The following JAZF1 variants were observed in gnomAD, a reference collection of about 807,000 sequenced individuals.
JAZF1 encodes the protein juxtaposed with another zinc finger protein 1.
Under a neutral mutation model 26.4 loss-of-function variants are expected in JAZF1, and 8 were observed. The ratio of observed to expected loss-of-function variants is 0.30; its 90% CI spans 0.18 to 0.55. JAZF1 has a LOEUF of 0.55. JAZF1 is among the 20% of genes least tolerant of loss of function. The pLI, the probability that JAZF1 is intolerant of heterozygous loss-of-function variation, is 0.94. For missense variants in JAZF1, 199 were observed against 322.0 expected, an observed-to-expected ratio of 0.62 and a Z score of 2.92; for synonymous variants, 126 against 122.3, an observed-to-expected ratio of 1.03 and a Z score of -0.20.
chr7:27,907,472 G>A (rs1286641129), intron 2 of JAZF1, among the ~76,000 whole-genome samples: 2 of 152,212 alleles, frequency 1.3e-5, no homozygotes, highest in African/African-American at 4.8e-5. Flanking sequence ...GCAGTCCACA[G>A]TTGGGCTAAG....
In JAZF1 at chr7:27,901,336, C is replaced by G. The variant is rs1784157407; in HGVS notation, c.189-5920G>C. On this transcript the variant is annotated intron_variant, in intron 2 of 4. Transcript: ENST00000283928. Reference sequence around the variant, plus strand: ...GACTCCATTATAAATCTTTTAAATCCTCAGACCACAATGTTCATTCAGTCT... The same window carrying G: ...GACTCCATTATAAATCTTTTAAATCGTCAGACCACAATGTTCATTCAGTCT... Among the ~76,000 whole-genome samples the G allele has an allele frequency of 2.0e-5, 3 of 152,148 alleles. No individual in the cohort carries two copies. The South Asian group carries it at 6.2e-4, about 32-fold the overall frequency.
At chr7:28,013,721 G>A (rs1159021465) in intron 1 of JAZF1, among the ~76,000 whole-genome samples, 1 of 152,070 alleles carries the variant, frequency 6.6e-6, no homozygotes, top group Non-Finnish European at 1.5e-5. Context: ...TCACAAGGAG[G>A]GGTCCACAGG....
intron 2 of JAZF1, among the ~76,000 whole-genome samples, chr7:27,933,125 T>C (rs1269843351): frequency 6.6e-6 from 1 of 152,214 alleles, no homozygotes; most frequent in Admixed American, 6.5e-5. Flanking sequence ...TAGATGTCCC[T>C]GGTAAAAGCA....
At chr7:27,904,632 G>T (rs986144091) in intron 2 of JAZF1, among the ~76,000 whole-genome samples, 2 of 149,350 alleles carry the variant, frequency 1.3e-5, no homozygotes, top group African/African-American at 4.9e-5. Flanking sequence ...CCCACGGGGT[G>T]GATTTTGAAG....
At chr7:28,082,621 G>T (rs1306139410) in intron 1 of JAZF1, among the ~76,000 whole-genome samples, 1 of 152,052 alleles carries the variant, frequency 6.6e-6, no homozygotes, top group Non-Finnish European at 1.5e-5. Flanking sequence ...CCCTTGCCCT[G>T]GTCTCCCTCC....
rs542038941 is a variant in JAZF1 at position 27,974,094 on chromosome 7, A to G, written c.188+17815T>C. Among the ~76,000 whole-genome samples, 48 of 152,264 alleles carry G rather than the reference A, an allele frequency of 3.2e-4. No homozygotes were observed. In the Middle Eastern group the frequency reaches 0.021, roughly 65 times the overall value. On this transcript the variant is annotated intron_variant, in intron 2 of 4. Transcript: ENST00000283928. The stretch of plus-strand genomic sequence containing the variant: ...GTAGGTGCCATTAAACATAGTATGA[A>G]TCAAAAAAAGAGGAGGCACTCTGGA...
At chr7:27,994,925 G>A (rs1339122709) in intron 1 of JAZF1, among the ~76,000 whole-genome samples, 5 of 152,126 alleles carry the variant, frequency 3.3e-5, no homozygotes, top group Non-Finnish European at 7.3e-5. Flanking sequence ...ACTCTCCACA[G>A]GATAGGAGGA....
Position 27,998,197 on chromosome 7 carries a change from G to A in JAZF1, c.116-6216C>T, listed in dbSNP as rs565404982. 5.9e-5 allele frequency among the ~76,000 whole-genome samples: 9 copies of A among 152,146 alleles called. No individual in the cohort carries two copies. In the East Asian group the frequency reaches 9.7e-4, roughly 16 times the overall value. On this transcript the variant is annotated intron_variant, in intron 1 of 4. Coordinates refer to ENST00000283928, the MANE Select transcript of JAZF1 (RefSeq NM_175061.4). ...GCAGGGCTAGGACCAGAAGCCCTGCGTCCTGAGTCTTATTGGGCCAGCATT... is the reference window on the plus strand; with the variant it reads ...GCAGGGCTAGGACCAGAAGCCCTGCATCCTGAGTCTTATTGGGCCAGCATT...
intron 2 of JAZF1, among the ~76,000 whole-genome samples, chr7:27,909,439 G>C (rs1465147979): frequency 6.6e-6 from 1 of 152,012 alleles, no homozygotes; most frequent in African/African-American, 2.4e-5. Flanking sequence ...GGGCGCGGTG[G>C]CTCATGCCTG....
At chr7:27,894,885 G>T (rs144390123) in intron 3 of JAZF1, among the ~76,000 whole-genome samples, 2 of 152,204 alleles carry the variant, frequency 1.3e-5, no homozygotes, top group Admixed American at 1.3e-4. Context: ...AAGAGAAAAC[G>T]TTCATAATAT....
intron 1 of JAZF1, among the ~76,000 whole-genome samples, chr7:28,091,148 AAAGT>A (rs1784290787): frequency 6.6e-6 from 1 of 152,102 alleles, no homozygotes; most frequent in Non-Finnish European, 1.5e-5. Flanking sequence ...TTTTAACTTA[AAAGT>A]TAATTAAAAT....
intron 1 of JAZF1, among the ~76,000 whole-genome samples, chr7:28,019,096 T>C (rs1314763528): frequency 2.0e-5 from 3 of 152,242 alleles, no homozygotes; most frequent in African/African-American, 7.2e-5. Flanking sequence ...CTCCTCTGTT[T>C]ATCCTTGCCA....
intron 1 of JAZF1, among the ~76,000 whole-genome samples, chr7:28,148,962 C>G (rs930700246): frequency 6.6e-6 from 1 of 152,316 alleles, no homozygotes; most frequent in South Asian, 2.1e-4. Context: ...TTTCTACTTA[C>G]GTTGGCTTTA....
intron 1 of JAZF1, among the ~76,000 whole-genome samples, chr7:28,049,802 A>G (rs1023688650): frequency 5.3e-5 from 8 of 152,174 alleles, no homozygotes; most frequent in African/African-American, 1.9e-4. Context: ...GCACTGGACG[A>G]GCTATGGGAA....
chr7:27,875,806 G>A (rs1294385575), intron 3 of JAZF1, among the ~76,000 whole-genome samples: 1 of 152,204 alleles, frequency 6.6e-6, no homozygotes, highest in East Asian at 1.9e-4. Context: ...GCACTCAGAT[G>A]TTTGTTCAGT....
At chr7:27,847,151 CTT>C (rs80005826) in intron 3 of JAZF1, among the ~76,000 whole-genome samples, 8 of 136,352 alleles carry the variant, frequency 5.9e-5, no homozygotes, top group Admixed American at 2.2e-4. Flanking sequence ...GGCTTTTTTT[CTT>C]TTTTTTTTTT....
At chr7:28,007,854 C>T (rs189315178) in intron 1 of JAZF1, among the ~76,000 whole-genome samples, 1 of 152,316 alleles carries the variant, frequency 6.6e-6, no homozygotes, top group Admixed American at 6.5e-5. Context: ...CCACCCCATG[C>T]ATGGCCTCTC....
In JAZF1 at chr7:27,895,930, T is replaced by C. The variant is rs112022506; in HGVS notation, c.189-514A>G. 4.9e-3 allele frequency among the ~76,000 whole-genome samples: 742 copies of C among 152,298 alleles called. 8 individuals are homozygous for C. Among genetic ancestry groups the C allele is most frequent in the African/African-American group, 0.017 (707 of 41,570 alleles). On this transcript the variant is annotated intron_variant, in intron 2 of 4. Coordinates refer to ENST00000283928, the MANE Select transcript of JAZF1 (RefSeq NM_175061.4). The stretch of plus-strand genomic sequence containing the variant: ...ATTACTTTGATTCTCATATTGTTAT[T>C]TGGGTTTAAAAACTTTTCTTGGCTA...
At chr7:27,933,660 T>C (rs1305241659) in intron 2 of JAZF1, among the ~76,000 whole-genome samples, 2 of 152,208 alleles carry the variant, frequency 1.3e-5, no homozygotes, top group African/African-American at 4.8e-5. Flanking sequence ...GTGGATATAC[T>C]GTATTTTTGC....
Sources: allele counts gnomAD v4.1 joint callset (sites outside exome capture counted in the v4.1 genomes callset), GRCh38; gene constraint gnomAD v4.1.1; transcripts MANE v1.5; gene names NCBI Gene and HGNC (gene_info 2026-07-23, HGNC 2026-07-21).